The following GNAL variants were observed in gnomAD, a reference collection of about 807,000 sequenced individuals.
The protein encoded by GNAL is guanine nucleotide-binding protein G(olf) subunit alpha.
A neutral mutation model predicts 55.1 loss-of-function variants in GNAL; 18 were observed. The observed-to-expected ratio is 0.33, with a 90% confidence interval of 0.23 to 0.48. The LOEUF (loss-of-function observed/expected upper bound fraction) is 0.48. GNAL is among the 20% of genes least tolerant of loss of function. The pLI is 0.99. For synonymous variants in GNAL, 253 were observed against 237.0 expected (o/e 1.07, Z -0.62); for missense variants, 412 against 614.1 (o/e 0.67, Z 3.48).
At position 11,865,154 on chromosome 18, in the gene GNAL, T is replaced by G. The variant is rs141420444; in HGVS notation, c.851+548T>G. Among the ~76,000 whole-genome samples the G allele has an allele frequency of 1.1e-4, 15 of 140,024 alleles. No individual in the cohort carries two copies. The East Asian group carries it at 2.9e-3, about 27-fold the overall frequency. 91.9% of individuals were successfully genotyped at this position (140,024 alleles called of 152,430 possible). On this transcript the variant is annotated intron_variant, in intron 7 of 11. Transcript: ENST00000334049. Reference sequence around the variant, plus strand: ...GTCTCCTGTCCCCTGGCTTACCCATTTCAGTCGCCCTTCTCAGTGCCACGA... The same window carrying G: ...GTCTCCTGTCCCCTGGCTTACCCATGTCAGTCGCCCTTCTCAGTGCCACGA...
At chr18:11,690,822 G>C (rs970505720) in intron 1 of GNAL, among the ~76,000 whole-genome samples, 1 of 151,740 alleles carries the variant, frequency 6.6e-6, no homozygotes, top group African/African-American at 2.4e-5. Flanking sequence ...GTATTCCATG[G>C]TGTATATGTG....
At chr18:11,768,473 T>C (rs1368057618) in intron 4 of GNAL, among the ~76,000 whole-genome samples, 2 of 151,490 alleles carry the variant, frequency 1.3e-5, no homozygotes, top group Admixed American at 6.6e-5. Flanking sequence ...TGGTGGCACA[T>C]GCCTGTAATC....
At chr18:11,792,364 T>G (rs2034263523) in intron 4 of GNAL, among the ~76,000 whole-genome samples, 1 of 152,162 alleles carries the variant, frequency 6.6e-6, no homozygotes, top group Non-Finnish European at 1.5e-5. Flanking sequence ...TTTTGCATTT[T>G]TAGTAGAGAT....
chr18:11,750,452 G>A (rs1398386773), intron 1 of GNAL, among the ~76,000 whole-genome samples: 1 of 152,066 alleles, frequency 6.6e-6, no homozygotes, highest in Non-Finnish European at 1.5e-5. Flanking sequence ...CGTCAGGAAC[G>A]TGTGTGGGTT....
At chr18:11,785,327 A>G (rs1482659698) in intron 4 of GNAL, among the ~76,000 whole-genome samples, 1 of 152,184 alleles carries the variant, frequency 6.6e-6, no homozygotes, top group Non-Finnish European at 1.5e-5. Context: ...GAAATGTGGA[A>G]TGGGTGTCCA....
At chr18:11,865,493 T>C (rs114009726) in intron 7 of GNAL, among the ~76,000 whole-genome samples, 2,342 of 148,054 alleles carry the variant, frequency 0.016, 299 homozygotes, top group African/African-American at 0.058. Flanking sequence ...TTCACGCCTG[T>C]AATCTCAGCA....
At chr18:11,743,600 GT>G (rs1433332778) in intron 1 of GNAL, among the ~76,000 whole-genome samples, 2 of 152,134 alleles carry the variant, frequency 1.3e-5, no homozygotes, top group Non-Finnish European at 2.9e-5. Context: ...TCTGATGTTT[GT>G]TAATTGGTAA....
intron 4 of GNAL, among the ~76,000 whole-genome samples, chr18:11,786,440 T>TC (rs1435940950): frequency 2.0e-5 from 2 of 98,844 alleles, no homozygotes; most frequent in Non-Finnish European, 4.1e-5. Context: ...CGTTTTCTTT[T>TC]TTTTTTTTTT....
intron 1 of GNAL, among the ~76,000 whole-genome samples, chr18:11,696,353 A>C (rs59607174): frequency 0.35 from 53,558 of 151,596 alleles, 13,027 homozygotes; most frequent in African/African-American, 0.7. Flanking sequence ...ATACAAAAAA[A>C]AATTAGCCAG....
intron 5 of GNAL, chr18:11,857,864 A>T (rs2036044817): frequency 3.5e-6 from 1 of 281,826 alleles, no homozygotes; most frequent in South Asian, 1.4e-4. Context: ...AGTATCTGGG[A>T]TCCATCTATA....
chr18:11,830,381 G>A (rs1385859527), intron 5 of GNAL, among the ~76,000 whole-genome samples: 1 of 142,048 alleles, frequency 7.0e-6, no homozygotes, highest in Non-Finnish European at 1.5e-5. Context: ...CCACCTCCCG[G>A]GTTCAAGCGA....
chr18:11,737,755 A>G (rs1018870713), intron 1 of GNAL, among the ~76,000 whole-genome samples: 7 of 152,260 alleles, frequency 4.6e-5, no homozygotes, highest in African/African-American at 1.2e-4. Context: ...GCACAGGGAC[A>G]TATCAGCCCA....
intron 1 of GNAL, among the ~76,000 whole-genome samples, chr18:11,721,600 A>G (rs2143404591): frequency 6.6e-6 from 1 of 152,236 alleles, no homozygotes; most frequent in East Asian, 2.0e-4. Flanking sequence ...TATTAAAAAT[A>G]CAAAAGTTAG....
intron 5 of GNAL, among the ~76,000 whole-genome samples, chr18:11,860,013 G>T (rs962489853): frequency 6.6e-6 from 1 of 152,138 alleles, no homozygotes; most frequent in African/African-American, 2.4e-5. Flanking sequence ...CTCCCAAAGT[G>T]CTGGGATTAA....
At position 11,881,969 on chromosome 18, in the gene GNAL, G is replaced by A. The variant is rs1276726284; in HGVS notation, c.*834G>A. 3.3e-5 allele frequency: 5 copies of A among 152,558 alleles called. No homozygotes were observed. The highest frequency in any genetic ancestry group is 5.9e-5 in the Non-Finnish European group (4 of 68,018). 9.5% of individuals were successfully genotyped at this position (152,558 alleles called of 1,614,324 possible). On this transcript the variant is annotated 3_prime_UTR_variant, in exon 12 of 12. Coordinates refer to ENST00000334049, the MANE Select transcript of GNAL (RefSeq NM_182978.4). The surrounding 1 kb of genome is among the most constrained non-coding windows in gnomAD (Gnocchi z 4.8). Reference sequence around the variant, plus strand: ...ACATGAAATGTGTTTGTATTGTGCTGAAGAGCTTAATGTCAACATTACCTG... The same window carrying A: ...ACATGAAATGTGTTTGTATTGTGCTAAAGAGCTTAATGTCAACATTACCTG...
In GNAL at chr18:11,752,418, A is replaced by C. The variant is rs990289175; in HGVS notation, c.377-435A>C. On this transcript the variant is annotated intron_variant, in intron 1 of 11. Transcript: ENST00000334049. This position sits in a 1 kb window ranked among gnomAD's most constrained non-coding sequence, Gnocchi z 4.5. Reference sequence around the variant, plus strand: ...GCACATTCCTAACTTCCTGACGTCCATCCCAGCGGGCAGGCATGGGGTGTT... The same window carrying C: ...GCACATTCCTAACTTCCTGACGTCCCTCCCAGCGGGCAGGCATGGGGTGTT... 6.2e-7 allele frequency: 1 copy of C among 1,600,764 alleles called. No individual in the cohort carries two copies. The highest frequency in any genetic ancestry group is 8.5e-7 in the Non-Finnish European group (1 of 1,174,996).
At chr18:11,788,904 AAAAAAAAAAAATATATAT>A (rs1851354849) in intron 4 of GNAL, among the ~76,000 whole-genome samples, 2 of 79,668 alleles carry the variant, frequency 2.5e-5, no homozygotes, top group South Asian at 4.8e-4. Flanking sequence ...CTCGAAAAAA[AAAAAAAAAAAATATATAT>A]ATATATATAT....
chr18:11,879,197 T>C (rs2036603332), intron 11 of GNAL, among the ~76,000 whole-genome samples: 1 of 151,800 alleles, frequency 6.6e-6, no homozygotes, highest in African/African-American at 2.4e-5. Flanking sequence ...AGCCTGACTA[T>C]TGCTAAAATA....
intron 4 of GNAL, among the ~76,000 whole-genome samples, chr18:11,790,468 C>T (rs1011065423): frequency 6.6e-6 from 1 of 152,104 alleles, no homozygotes; most frequent in African/African-American, 2.4e-5. Flanking sequence ...ATTTTTAATA[C>T]AGACTCATAA....
Sources: allele counts gnomAD v4.1 joint callset (sites outside exome capture counted in the v4.1 genomes callset), GRCh38; gene constraint gnomAD v4.1.1; non-coding constraint Gnocchi (gnomAD v3.1); transcripts MANE v1.5; gene names NCBI Gene and HGNC (gene_info 2026-07-23, HGNC 2026-07-21).